Variants in BEND4 observed in about 807,000 individuals in gnomAD.
BEND4 encodes the protein BEN domain-containing protein 4.
A neutral mutation model predicts 54.7 loss-of-function variants in BEND4; 27 were observed. The ratio of observed to expected loss-of-function variants is 0.49; its 90% CI spans 0.36 to 0.68. BEND4 has a LOEUF of 0.68. Among genes scored for constraint, BEND4 ranks in the 30% least tolerant of loss-of-function variants. The probability of loss-of-function intolerance (pLI) is 0.00; values close to 1 mark genes in which losing one functional copy is unlikely to be tolerated. For synonymous variants in BEND4, 327 were observed against 299.5 expected (o/e 1.09, Z -0.95); for missense variants, 702 against 697.2 (o/e 1.01, Z -0.08).
chr4:42,129,665 G>C (rs963714236), intron 3 of BEND4, among the ~76,000 whole-genome samples: 1 of 152,168 alleles, frequency 6.6e-6, no homozygotes, highest in Non-Finnish European at 1.5e-5. Flanking sequence ...GGGAGAACTG[G>C]CTAGCCATAT....
At chr4:42,138,515 G>A (rs1245510196) in intron 3 of BEND4, among the ~76,000 whole-genome samples, 1 of 152,092 alleles carries the variant, frequency 6.6e-6, no homozygotes, top group Non-Finnish European at 1.5e-5. Context: ...CACAACATGA[G>A]GAATACACGT....
At chr4:42,146,681 T>C (rs999032368) in intron 2 of BEND4, among the ~76,000 whole-genome samples, 4 of 152,226 alleles carry the variant, frequency 2.6e-5, no homozygotes, top group Admixed American at 2.0e-4. Context: ...CAGTTTTCAT[T>C]CATTTTAATC....
Position 42,134,338 on chromosome 4 carries a change from A to T in BEND4, c.1055-8664T>A, listed in dbSNP as rs567130740. Reference sequence around the variant, plus strand: ...TTACTGTCCTCTGATAACCATGGCCATGTGTGTGTTTAATCATCTTTACGT... The same window carrying T: ...TTACTGTCCTCTGATAACCATGGCCTTGTGTGTGTTTAATCATCTTTACGT... On this transcript the variant is annotated intron_variant, in intron 3 of 5. Coordinates refer to ENST00000502486, the MANE Select transcript of BEND4 (RefSeq NM_207406.4). Among the ~76,000 whole-genome samples the T allele has an allele frequency of 7.2e-5, 11 of 152,282 alleles. 1 individual carries two copies. In the South Asian group the frequency reaches 2.1e-3, roughly 29 times the overall value.
intron 3 of BEND4, among the ~76,000 whole-genome samples, chr4:42,126,270 G>A (rs1461776137): frequency 6.6e-6 from 1 of 152,182 alleles, no homozygotes; most frequent in African/African-American, 2.4e-5. Flanking sequence ...TCACAGAAGA[G>A]ACATGTCTTG....
Position 42,124,607 on chromosome 4 carries a change from G to A in BEND4, c.1146+976C>T, listed in dbSNP as rs559472608. On this transcript the variant is annotated intron_variant, in intron 4 of 5. Transcript: ENST00000502486. ...GGTCACTGGACCAGACAACTGGAGA[G>A]TCACCAGGGGCCTCTTGCAGAAAAC... Among the ~76,000 whole-genome samples the A allele has an allele frequency of 2.6e-5, 4 of 152,322 alleles. No homozygotes were observed. The East Asian group carries it at 7.7e-4, about 29-fold the overall frequency.
intron 3 of BEND4, among the ~76,000 whole-genome samples, chr4:42,135,970 C>A (rs1198474372): frequency 2.0e-5 from 3 of 152,146 alleles, no homozygotes; most frequent in African/African-American, 7.2e-5. Flanking sequence ...GCTCTGTCTC[C>A]CTCAGTGTCA....
At chr4:42,129,628 A>C (rs1720430109) in intron 3 of BEND4, among the ~76,000 whole-genome samples, 1 of 152,212 alleles carries the variant, frequency 6.6e-6, no homozygotes, top group Non-Finnish European at 1.5e-5. Flanking sequence ...GACAAGAACA[A>C]GCAATGGGGA....
chr4:42,119,669 G>C (rs765738380), intron 5 of BEND4, among the ~76,000 whole-genome samples: 1 of 151,940 alleles, frequency 6.6e-6, no homozygotes, highest in Non-Finnish European at 1.5e-5. Flanking sequence ...GTATTAGAAG[G>C]GGACACAAAC....
At chr4:42,144,600 A>T (rs1349565264) in intron 2 of BEND4, among the ~76,000 whole-genome samples, 1 of 152,228 alleles carries the variant, frequency 6.6e-6, no homozygotes, top group Non-Finnish European at 1.5e-5. Context: ...ATCAGTGTTC[A>T]CTATTCCTTC....
intron 2 of BEND4, among the ~76,000 whole-genome samples, chr4:42,147,544 G>GA (rs1485201086): frequency 6.9e-6 from 1 of 145,628 alleles, no homozygotes; most frequent in Non-Finnish European, 1.5e-5. Flanking sequence ...CAGGGAAAGA[G>GA]AAAATCAACA....
At chr4:42,119,597 T>C (rs16854036) in intron 5 of BEND4, among the ~76,000 whole-genome samples, 4,141 of 152,272 alleles carry the variant, frequency 0.027, 194 homozygotes, top group African/African-American at 0.094. Flanking sequence ...AGGTGTATTT[T>C]AGCATTAAGG....
At chr4:42,139,998 A>C (rs1331328965) in intron 3 of BEND4, among the ~76,000 whole-genome samples, 2 of 152,242 alleles carry the variant, frequency 1.3e-5, no homozygotes, top group Non-Finnish European at 2.9e-5. Flanking sequence ...CCCTCCACCC[A>C]AAATGCACAG....
At chr4:42,140,882 GA>G (rs1261646390) in intron 3 of BEND4, among the ~76,000 whole-genome samples, 1 of 152,204 alleles carries the variant, frequency 6.6e-6, no homozygotes, top group Non-Finnish European at 1.5e-5. Flanking sequence ...AGTGGCTGAT[GA>G]AAGTCTCTGT....
At chr4:42,150,257 AAG>A (rs1442666568) in intron 2 of BEND4, among the ~76,000 whole-genome samples, 1 of 152,218 alleles carries the variant, frequency 6.6e-6, no homozygotes, top group East Asian at 1.9e-4. Context: ...CTGCCTAACA[AAG>A]AATATAAAAA....
chr4:42,142,385 C>T (rs997353987), intron 3 of BEND4, among the ~76,000 whole-genome samples: 7 of 148,220 alleles, frequency 4.7e-5, no homozygotes, highest in Middle Eastern at 3.4e-3. Context: ...TTTGGGAGGC[C>T]GAGATGGGTG....
In BEND4 at chr4:42,115,843, C is replaced by T. The variant is rs968416878; in HGVS notation, c.*1675G>A. 2 of 117,786 alleles carry T rather than the reference C, an allele frequency of 1.7e-5. No homozygotes were observed. The highest frequency in any genetic ancestry group is 3.1e-5 in the Non-Finnish European group (2 of 63,790). 7.3% of individuals were successfully genotyped at this position (117,786 alleles called of 1,614,324 possible). A position where few individuals can be genotyped will look rare whatever the true frequency, so the allele number is the denominator to read the frequency against. ...AAATAGAATTGAATATTGGTTCTCC[C>T]TATTCCATTGAATGATATGACAAAT... On this transcript the variant is annotated 3_prime_UTR_variant, in exon 6 of 6. Coordinates refer to ENST00000502486, the MANE Select transcript of BEND4 (RefSeq NM_207406.4).
chr4:42,152,409 T>A, intron 1 of BEND4, 33 bp from the exon 2 acceptor site: 1 of 233,932 alleles, frequency 4.3e-6, no homozygotes, highest in East Asian at 8.4e-5. Context: ...GAGCAAGTGT[T>A]TAGGGTAATA....
intron 3 of BEND4, among the ~76,000 whole-genome samples, chr4:42,134,575 C>T (rs899063042): frequency 6.6e-6 from 1 of 152,320 alleles, no homozygotes; most frequent in Middle Eastern, 3.4e-3. Flanking sequence ...GATGACTTTG[C>T]GTCTCTGTCC....
Position 42,120,064 on chromosome 4 carries a change from T to A in BEND4, c.1377A>T (p.Thr459=). 1.2e-6 allele frequency: 2 copies of A among 1,613,984 alleles called. No homozygotes were observed. The highest frequency in any genetic ancestry group is 1.7e-6 in the Non-Finnish European group (2 of 1,179,858). Residue 459 remains threonine, a synonymous_variant, in exon 5 of 6, where the codon ACA becomes ACT. Transcript: ENST00000502486. The part of the protein sequence containing the change: ...ERRPLDPVKV[T]CLREFIRMHC... ...GGAAGGATGCAGTACCTCGGAGGCA[T>A]GTTACTTTAACTGGATCCAGAGGGC...
Sources: gnomAD v4.1 joint callset for allele counts (sites outside exome capture counted in the v4.1 genomes callset) on GRCh38, gnomAD v4.1.1 for gene constraint, MANE v1.5 for transcripts, NCBI Gene and HGNC (gene_info 2026-07-23, HGNC 2026-07-21) for gene names.